The following SBF2 variants were observed in gnomAD, a reference collection of about 807,000 sequenced individuals.
SBF2 encodes the protein SET binding factor 2, also known as myotubularin-related protein 13.
A neutral mutation model predicts 225.2 loss-of-function variants in SBF2; 112 were observed. The ratio of observed to expected loss-of-function variants is 0.50; its 90% CI spans 0.43 to 0.58. SBF2 has a LOEUF of 0.58. Ranked by LOEUF, SBF2 falls within the 20% of genes least tolerant of loss-of-function variation. SBF2 has a pLI of 0.00. For synonymous variants in SBF2, 763 were observed against 773.3 expected (o/e 0.99, Z 0.22); for missense variants, 1,996 against 2,206.2 (o/e 0.90, Z 1.91).
intron 32 of SBF2, among the ~76,000 whole-genome samples, chr11:9,799,769 C>A (rs1445693742): frequency 6.6e-6 from 1 of 152,212 alleles, no homozygotes; most frequent in Non-Finnish European, 1.5e-5. Context: ...TTGAGTCCTG[C>A]ACCCCAGTGA....
intron 2 of SBF2, among the ~76,000 whole-genome samples, chr11:10,063,345 T>TA (rs1950515245): frequency 2.5e-5 from 2 of 81,180 alleles, no homozygotes; most frequent in African/African-American, 6.7e-5. Flanking sequence ...TATATATATA[T>TA]TTTTTTAATT....
At chr11:10,219,271 G>A (rs1958250373) in intron 1 of SBF2, among the ~76,000 whole-genome samples, 1 of 152,208 alleles carries the variant, frequency 6.6e-6, no homozygotes, top group African/African-American at 2.4e-5. Flanking sequence ...TGTGGAAGCT[G>A]CCAAGGCTTG....
intron 16 of SBF2, among the ~76,000 whole-genome samples, chr11:9,906,858 T>C (rs1233900838): frequency 6.6e-6 from 1 of 152,248 alleles, no homozygotes; most frequent in Non-Finnish European, 1.5e-5. Flanking sequence ...CTGCTACAAT[T>C]GAAGAGTGAG....
At chr11:10,209,278 C>T (rs1957849076) in intron 1 of SBF2, among the ~76,000 whole-genome samples, 1 of 150,320 alleles carries the variant, frequency 6.7e-6, no homozygotes, top group Non-Finnish European at 1.5e-5. Context: ...AACATGTCCC[C>T]TGCCTACAAT....
chr11:10,238,362 A>T (rs770843405), intron 1 of SBF2, among the ~76,000 whole-genome samples: 1 of 151,842 alleles, frequency 6.6e-6, no homozygotes, highest in Non-Finnish European at 1.5e-5. Flanking sequence ...GTGAGCCATG[A>T]TTGTACCACT....
chr11:10,030,610 A>G (rs962354154), intron 4 of SBF2, among the ~76,000 whole-genome samples: 3 of 152,218 alleles, frequency 2.0e-5, no homozygotes, highest in Admixed American at 6.5e-5. Context: ...AAATACCTGG[A>G]AGCAATATTT....
chr11:9,804,840 A>G (rs772694948), intron 32 of SBF2, among the ~76,000 whole-genome samples: 16 of 152,158 alleles, frequency 1.1e-4, no homozygotes, highest in Non-Finnish European at 2.2e-4. Flanking sequence ...TCATCTCTTC[A>G]TCGGTTGATG....
At chr11:9,893,227 C>T (rs1860981576) in intron 17 of SBF2, among the ~76,000 whole-genome samples, 1 of 152,194 alleles carries the variant, frequency 6.6e-6, no homozygotes, top group Non-Finnish European at 1.5e-5. Flanking sequence ...ATGTAATTTA[C>T]ATCTACTTCC....
At chr11:10,242,337 T>C (rs1959298327) in intron 1 of SBF2, among the ~76,000 whole-genome samples, 1 of 150,974 alleles carries the variant, frequency 6.6e-6, no homozygotes, top group African/African-American at 2.4e-5. Flanking sequence ...AGCCTCAGGA[T>C]AACCATGAGG....
chr11:10,152,405 C>A (rs887398413), intron 2 of SBF2, among the ~76,000 whole-genome samples: 1 of 151,866 alleles, frequency 6.6e-6, no homozygotes, highest in Non-Finnish European at 1.5e-5. Context: ...CAAAATTAGC[C>A]GGGCGTGGTG....
chr11:9,820,155 G>A (rs946008271), intron 28 of SBF2, among the ~76,000 whole-genome samples: 2 of 152,186 alleles, frequency 1.3e-5, no homozygotes, highest in Non-Finnish European at 2.9e-5. Flanking sequence ...AAGTCAATTA[G>A]AAGAAATGAT....
intron 1 of SBF2, among the ~76,000 whole-genome samples, chr11:10,223,412 T>C (rs1421312856): frequency 1.2e-5 from 1 of 83,072 alleles, no homozygotes; most frequent in African/African-American, 3.8e-5. Context: ...TATATATATA[T>C]ATATATATAT....
intron 17 of SBF2, among the ~76,000 whole-genome samples, chr11:9,893,482 A>G (rs958819916): frequency 1.3e-5 from 2 of 152,250 alleles, no homozygotes; most frequent in East Asian, 3.8e-4. Flanking sequence ...GGAACACTGC[A>G]GTAGAAAGTG....
At chr11:10,159,489 T>C (rs55823443) in intron 2 of SBF2, among the ~76,000 whole-genome samples, 8,144 of 152,242 alleles carry the variant, frequency 0.053, 298 homozygotes, top group Middle Eastern at 0.15. Flanking sequence ...TCATCTGATC[T>C]TGTGGCCCCC....
chr11:10,136,227 C>A (rs1031187919), intron 2 of SBF2, among the ~76,000 whole-genome samples: 1 of 152,118 alleles, frequency 6.6e-6, no homozygotes, highest in South Asian at 2.1e-4. Context: ...AAGGTCCCCC[C>A]CAACAACACA....
At chr11:10,054,366 C>T (rs998127963) in intron 2 of SBF2, among the ~76,000 whole-genome samples, 1 of 152,068 alleles carries the variant, frequency 6.6e-6, no homozygotes, top group African/African-American at 2.4e-5. Flanking sequence ...TTGACATCAG[C>T]AATAAGCAAT....
intron 2 of SBF2, among the ~76,000 whole-genome samples, chr11:10,189,611 A>G (rs369456174): frequency 9.2e-5 from 14 of 152,350 alleles, no homozygotes; most frequent in African/African-American, 3.4e-4. Context: ...TAGGGCAGGT[A>G]GTCAAATTGC....
intron 39 of SBF2, 182 bp from the exon 40 acceptor site, chr11:9,780,698 A>T: frequency 1.6e-6 from 1 of 643,902 alleles, no homozygotes; most frequent in South Asian, 1.7e-5. Context: ...CTAGAGTCAT[A>T]GGGGATGTTG....
At chr11:10,023,692 T>C (rs1242612563) in intron 6 of SBF2, among the ~76,000 whole-genome samples, 2 of 152,188 alleles carry the variant, frequency 1.3e-5, no homozygotes, top group African/African-American at 4.8e-5. Context: ...TTGTAGCACG[T>C]ATCAATACTT....
Sources: gnomAD v4.1 joint callset for allele counts (sites outside exome capture counted in the v4.1 genomes callset) on GRCh38, gnomAD v4.1.1 for gene constraint, MANE v1.5 for transcripts, NCBI Gene and HGNC (gene_info 2026-07-23, HGNC 2026-07-21) for gene names.